The following SPTSSA variants were observed in gnomAD, a reference collection of about 807,000 sequenced individuals.
The protein encoded by SPTSSA is serine palmitoyltransferase small subunit A.
A neutral mutation model predicts 9.1 loss-of-function variants in SPTSSA; 8 were observed. The ratio of observed to expected loss-of-function variants is 0.88; its 90% CI spans 0.51 to 1.58. The LOEUF (loss-of-function observed/expected upper bound fraction) is 1.58. Among genes scored for constraint, SPTSSA ranks in the 40% most tolerant of loss-of-function variants. The pLI, the probability that SPTSSA is intolerant of heterozygous loss-of-function variation, is 0.00. For missense variants in SPTSSA, 100 were observed against 93.8 expected (o/e 1.07, Z -0.27); for synonymous variants, 42 against 37.7 (o/e 1.11, Z -0.41).
chr14:34,461,092 A>C (rs1240617802), intron 1 of SPTSSA, among the ~76,000 whole-genome samples: 2 of 152,240 alleles, frequency 1.3e-5, no homozygotes, highest in Non-Finnish European at 2.9e-5. Flanking sequence ...ATTCTGAAGT[A>C]AGCTACTCCA....
At chr14:34,435,778 C>T (rs555712918) in intron 1 of SPTSSA, among the ~76,000 whole-genome samples, 3 of 151,586 alleles carry the variant, frequency 2.0e-5, no homozygotes, top group East Asian at 1.9e-4. Context: ...TACAGGTGCC[C>T]GCCATGACAC....
chr14:34,439,103 G>A (rs186993860), intron 1 of SPTSSA, among the ~76,000 whole-genome samples: 119 of 152,238 alleles, frequency 7.8e-4, no homozygotes, highest in African/African-American at 2.8e-3. Context: ...TAGGGACAGA[G>A]TCTCAGCTCC....
intron 1 of SPTSSA, among the ~76,000 whole-genome samples, chr14:34,441,481 C>A (rs947825736): frequency 2.0e-5 from 3 of 152,222 alleles, no homozygotes; most frequent in African/African-American, 4.8e-5. Context: ...TAAAACCCTT[C>A]ATTCCTTCCT....
Position 34,451,650 on chromosome 14 carries a change from G to A in SPTSSA, c.112+10446C>T, listed in dbSNP as rs572675566. Reference sequence around the variant, plus strand: ...AGGCAGGAGAATGGCGTGAACTCGGGAGGCGGAGCTTGCAGTGAGATCGCG... The same window carrying A: ...AGGCAGGAGAATGGCGTGAACTCGGAAGGCGGAGCTTGCAGTGAGATCGCG... On this transcript the variant is annotated intron_variant, in intron 1 of 1. Transcript: ENST00000298130. Among the ~76,000 whole-genome samples, 95 of 150,826 alleles carry A rather than the reference G, an allele frequency of 6.3e-4. 1 individual carries two copies. The highest frequency in any genetic ancestry group is 1.9e-3 in the African/African-American group (76 of 41,008).
chr14:34,438,647 C>T (rs1883275962), intron 1 of SPTSSA, among the ~76,000 whole-genome samples: 1 of 152,150 alleles, frequency 6.6e-6, no homozygotes, highest in Non-Finnish European at 1.5e-5. Flanking sequence ...AACTATTTGC[C>T]AAGTCATCCA....
At chr14:34,460,181 A>G (rs1449347427) in intron 1 of SPTSSA, among the ~76,000 whole-genome samples, 4 of 152,232 alleles carry the variant, frequency 2.6e-5, no homozygotes, top group South Asian at 2.1e-4. Context: ...GTGGAAAAAT[A>G]TAAATACAAC....
chr14:34,452,178 G>A (rs142163983), intron 1 of SPTSSA, among the ~76,000 whole-genome samples: 5 of 151,164 alleles, frequency 3.3e-5, no homozygotes, highest in East Asian at 1.9e-4. Flanking sequence ...CCCGGGAGGC[G>A]GAGGTTGCAG....
intron 1 of SPTSSA, among the ~76,000 whole-genome samples, chr14:34,458,904 C>CTTTTTT (rs759940424): frequency 1.6e-5 from 2 of 124,062 alleles, no homozygotes; most frequent in African/African-American, 3.2e-5. Context: ...GAAATTACAA[C>CTTTTTT]TTTTTTTTTT....
At chr14:34,437,288 C>T (rs764669547) in intron 1 of SPTSSA, among the ~76,000 whole-genome samples, 14 of 152,224 alleles carry the variant, frequency 9.2e-5, no homozygotes, top group Non-Finnish European at 1.9e-4. Flanking sequence ...TAAAACTCTA[C>T]TCTGGGCTCA....
At position 34,435,228 on chromosome 14, in the gene SPTSSA, T is replaced by G; in HGVS notation, c.189A>C (p.Ile63=). ...ATTGTACGATTTCAAAGTAGTGCAATATCGCCATGATGTGCTGGGGCATGA... is the reference window on the plus strand; with the variant it reads ...ATTGTACGATTTCAAAGTAGTGCAAGATCGCCATGATGTGCTGGGGCATGA... ...YVFMPQHIMA[I]LHYFEIVQ Residue 63 remains isoleucine, a synonymous_variant, in exon 2 of 2, where the codon ATA becomes ATC. Transcript: ENST00000298130. The G allele has an allele frequency of 6.2e-7, 1 of 1,613,826 alleles. No homozygotes were observed. The highest frequency in any genetic ancestry group is 8.5e-7 in the Non-Finnish European group (1 of 1,179,818).
chr14:34,459,458 C>CAAA (rs778799046), intron 1 of SPTSSA, among the ~76,000 whole-genome samples: 22 of 108,452 alleles, frequency 2.0e-4, no homozygotes, highest in Middle Eastern at 6.1e-3. Flanking sequence ...GACACCGTCT[C>CAAA]AAAAAAAAAA....
rs1566427256 is a variant in SPTSSA, at chr14:34,457,970, G to GAAAAAAAA, written c.112+4125_112+4126insTTTTTTTT. On this transcript the variant is annotated intron_variant, in intron 1 of 1. Coordinates refer to ENST00000298130, the MANE Select transcript of SPTSSA (RefSeq NM_138288.4). Reference sequence around the variant, plus strand: ...CTGGGTGACAGAGCAAGACTGTCTCGGAAAAAAAAAAAAAAAAAAACAAAG... The same window carrying GAAAAAAAA: ...CTGGGTGACAGAGCAAGACTGTCTCGAAAAAAAAGAAAAAAAAAAAAAAAAAAACAAAG... 2.4e-4 allele frequency among the ~76,000 whole-genome samples: 20 copies of GAAAAAAAA among 83,354 alleles called. 1 individual carries two copies. Among genetic ancestry groups the GAAAAAAAA allele is most frequent in the South Asian group, 3.7e-4 (1 of 2,668 alleles). 54.7% of individuals were successfully genotyped at this position (83,354 alleles called of 152,430 possible). A position where few individuals can be genotyped will look rare whatever the true frequency, so the allele number is the denominator to read the frequency against.
At chr14:34,452,943 TGCA>T in intron 1 of SPTSSA, among the ~76,000 whole-genome samples, 1 of 152,298 alleles carries the variant, frequency 6.6e-6, no homozygotes, top group South Asian at 2.1e-4. Context: ...GTTTGAACTG[TGCA>T]GGTCTACTTA....
At chr14:34,455,998 A>C (rs1883613616) in intron 1 of SPTSSA, among the ~76,000 whole-genome samples, 1 of 151,884 alleles carries the variant, frequency 6.6e-6, no homozygotes, top group Non-Finnish European at 1.5e-5. Flanking sequence ...ATCTAAGAAA[A>C]TAATTTAGTT....
At chr14:34,456,357 A>G (rs1594626267) in intron 1 of SPTSSA, among the ~76,000 whole-genome samples, 1 of 152,088 alleles carries the variant, frequency 6.6e-6, no homozygotes, top group East Asian at 1.9e-4. Flanking sequence ...AAAATAACAA[A>G]TCAATATATA....
chr14:34,449,906 A>C (rs1883490662), intron 1 of SPTSSA, among the ~76,000 whole-genome samples: 1 of 152,236 alleles, frequency 6.6e-6, no homozygotes, highest in Non-Finnish European at 1.5e-5. Flanking sequence ...TAGATTTCTC[A>C]ATCCATCTCA....
chr14:34,433,568 G>C lies in SPTSSA; in HGVS notation c.*1633C>G, dbSNP rs895528731. 2 of 151,796 alleles carry C rather than the reference G, an allele frequency of 1.3e-5. No individual in the cohort carries two copies. Among genetic ancestry groups the C allele is most frequent in the African/African-American group, 4.8e-5 (2 of 41,280 alleles). The allele number at this position is 151,796 out of a possible 1,614,324, so 9.4% of individuals were successfully genotyped here. On this transcript the variant is annotated 3_prime_UTR_variant, in exon 2 of 2. Transcript: ENST00000298130. ...TTCTCACTACTCCTATCTAATTGTG[G>C]TATCAATTGGCTCTAAAAATATTAA...
At chr14:34,435,953 A>G (rs914404206) in intron 1 of SPTSSA, among the ~76,000 whole-genome samples, 4 of 152,076 alleles carry the variant, frequency 2.6e-5, no homozygotes, top group African/African-American at 9.7e-5. Flanking sequence ...TGAAGCATAG[A>G]ATGTGATACT....
At chr14:34,441,336 C>T (rs184338716) in intron 1 of SPTSSA, among the ~76,000 whole-genome samples, 1 of 152,336 alleles carries the variant, frequency 6.6e-6, no homozygotes, top group African/African-American at 2.4e-5. Context: ...TCCTCTCCAT[C>T]TACATACGGC....
Sources: allele counts gnomAD v4.1 joint callset (sites outside exome capture counted in the v4.1 genomes callset), GRCh38; gene constraint gnomAD v4.1.1; transcripts MANE v1.5; gene names NCBI Gene and HGNC (gene_info 2026-07-23, HGNC 2026-07-21).